The following ARHGEF18 variants were observed in gnomAD, a reference collection of about 807,000 sequenced individuals.
The protein encoded by ARHGEF18 is rho guanine nucleotide exchange factor 18.
A neutral mutation model predicts 155.7 loss-of-function variants in ARHGEF18; 93 were observed. The ratio of observed to expected loss-of-function variants is 0.60; its 90% confidence interval spans 0.50 to 0.71. ARHGEF18 has a LOEUF of 0.71. ARHGEF18 is among the 30% of genes least tolerant of loss of function. The pLI, the probability that ARHGEF18 is intolerant of heterozygous loss-of-function variation, is 0.00. For missense variants in ARHGEF18, 1,593 were observed against 1,816.1 expected (o/e 0.88, Z 2.23); for synonymous variants, 742 against 753.1 (o/e 0.99, Z 0.24).
intron 10 of ARHGEF18, among the ~76,000 whole-genome samples, chr19:7,404,673 A>T (rs964657479): frequency 6.6e-6 from 1 of 151,882 alleles, no homozygotes; most frequent in African/African-American, 2.4e-5. Flanking sequence ...TCTCTATTAA[A>T]AGGCCTTTTA....
At chr19:7,406,081 TTTG>T (rs1015107798) in intron 10 of ARHGEF18, among the ~76,000 whole-genome samples, 26 of 151,894 alleles carry the variant, frequency 1.7e-4, no homozygotes, top group Admixed American at 7.2e-4. Flanking sequence ...CCAGATTCTT[TTTG>T]TTGTTGTTGT....
At chr19:7,446,884 A>T (rs1975026559) in intron 14 of ARHGEF18, among the ~76,000 whole-genome samples, 159 bp from the exon 15 acceptor site, 1 of 149,128 alleles carries the variant, frequency 6.7e-6, no homozygotes, top group Non-Finnish European at 1.5e-5. Context: ...CCACAGAGCA[A>T]GATGCTGTCT....
chr19:7,411,750 A>T (rs1221462179), intron 10 of ARHGEF18, among the ~76,000 whole-genome samples: 1 of 151,856 alleles, frequency 6.6e-6, no homozygotes, highest in African/African-American at 2.4e-5. Flanking sequence ...GTCCTCATAA[A>T]ACACTCACTC....
rs190861705 is a variant in ARHGEF18 at position 7,439,022 on chromosome 19, C to T, written c.968-1322C>T. Reference sequence around the variant, plus strand: ...GAGTAGCTGAGATTACAGGCATCCACCACCACGCCCTTCTAATTTTTGTAT... The same window carrying T: ...GAGTAGCTGAGATTACAGGCATCCATCACCACGCCCTTCTAATTTTTGTAT... On this transcript the variant is annotated intron_variant, in intron 10 of 28. Transcript: ENST00000668164. 5.7e-3 allele frequency among the ~76,000 whole-genome samples: 863 copies of T among 152,180 alleles called. 6 individuals are homozygous for T. The highest frequency in any genetic ancestry group is 9.2e-3 in the Non-Finnish European group (626 of 68,020).
chr19:7,421,881 G>A (rs1439452639), intron 10 of ARHGEF18, among the ~76,000 whole-genome samples: 3 of 152,132 alleles, frequency 2.0e-5, no homozygotes, highest in Non-Finnish European at 4.4e-5. Context: ...GACCATGTCT[G>A]CTGGGAGAGC....
intron 10 of ARHGEF18, among the ~76,000 whole-genome samples, chr19:7,432,886 A>G (rs1974042038): frequency 6.6e-6 from 1 of 152,262 alleles, no homozygotes; most frequent in Admixed American, 6.5e-5. Flanking sequence ...AGGTCCGGGT[A>G]CACTGGCCCA....
intron 23 of ARHGEF18, among the ~76,000 whole-genome samples, chr19:7,465,496 C>A (rs899880629): frequency 6.7e-6 from 1 of 150,148 alleles, no homozygotes; most frequent in Non-Finnish European, 1.5e-5. Context: ...CAGCCTCTAA[C>A]TCCTAGGCTC....
chr19:7,419,868 G>A (rs1229358332), intron 10 of ARHGEF18, among the ~76,000 whole-genome samples: 1 of 150,232 alleles, frequency 6.7e-6, no homozygotes, highest in African/African-American at 2.5e-5. Context: ...GCTGCCTGGA[G>A]TGGAAGCACC....
chr19:7,469,113 C>T lies in ARHGEF18; in HGVS notation c.3769C>T (p.Gln1257Ter). Residue 1257 changes from glutamine to a stop codon, truncating the protein, a stop_gained, in exon 27 of 29, where the codon CAG (glutamine) becomes TAG (stop). Coordinates refer to ENST00000668164, the MANE Select transcript of ARHGEF18 (RefSeq NM_001367823.1). LOFTEE classifies it high-confidence loss of function. ...KDKGGKSRGS[Q>*]RWESSASFDL... ...CAAGGGCGGCAAGAGCAGGGGCTCT[C>T]AGCGCTGGGAGAGCTCAGGTGAGCC... The T allele has an allele frequency of 1.2e-6, 2 of 1,603,564 alleles. No individual in the cohort carries two copies. Among genetic ancestry groups the T allele is most frequent in the Non-Finnish European group, 1.7e-6 (2 of 1,176,434 alleles).
chr19:7,469,813 G>A, intron 27 of ARHGEF18, 91 bp from the exon 28 acceptor site: 6 of 1,488,350 alleles, frequency 4.0e-6, no homozygotes, highest in African/African-American at 1.4e-5. Context: ...TCAGGTGGGG[G>A]TGGCCAGGCC....
chr19:7,375,424 A>G (rs9749418), intron 3 of ARHGEF18, among the ~76,000 whole-genome samples: 35,078 of 150,696 alleles, frequency 0.23, 4,397 homozygotes, highest in Non-Finnish European at 0.27. Context: ...AGGAAGGAAG[A>G]AAGGAAGGAA....
intron 10 of ARHGEF18, among the ~76,000 whole-genome samples, chr19:7,418,172 G>T (rs1240871338): frequency 6.6e-6 from 1 of 152,208 alleles, no homozygotes; most frequent in Admixed American, 6.5e-5. Flanking sequence ...TATTTGCTTT[G>T]TGTCAGACAG....
chr19:7,458,349 C>T (rs1975983268), intron 18 of ARHGEF18, among the ~76,000 whole-genome samples, 163 bp from the exon 19 acceptor site: 2 of 139,348 alleles, frequency 1.4e-5, no homozygotes, highest in South Asian at 4.9e-4. Flanking sequence ...GCAATAGTAT[C>T]TTTTTTCCCC....
At chr19:7,473,117 C>A (rs189796731), downstream of ARHGEF18, 3 of 456,304 alleles carry the variant, frequency 6.6e-6, no homozygotes, top group East Asian at 2.1e-4. Context: ...ACTTTCACTT[C>A]CTCCATCTGG....
intron 10 of ARHGEF18, among the ~76,000 whole-genome samples, chr19:7,435,509 G>A (rs35807820): frequency 0.4 from 61,141 of 151,798 alleles, 12,952 homozygotes; most frequent in East Asian, 0.6. Flanking sequence ...GGCAGGGTGA[G>A]CAGGTTCAGG....
In ARHGEF18 at chr19:7,413,277, A is replaced by C. The variant is rs75074163; in HGVS notation, c.968-27067A>C. ...CAAGACCCTGTCTCTACCAAAAAAA[A>C]CACAAAAAACAAAAAGCTTTTTTTT... On this transcript the variant is annotated intron_variant, in intron 10 of 28. Coordinates refer to ENST00000668164, the MANE Select transcript of ARHGEF18 (RefSeq NM_001367823.1). Among the ~76,000 whole-genome samples, 1,103 of 150,642 alleles carry C rather than the reference A, an allele frequency of 7.3e-3. 5 individuals are homozygous for C. Among genetic ancestry groups the C allele is most frequent in the Non-Finnish European group, 0.012 (837 of 67,828 alleles).
downstream of ARHGEF18, among the ~76,000 whole-genome samples, chr19:7,475,136 G>A (rs562443443): frequency 3.3e-5 from 5 of 152,178 alleles, no homozygotes; most frequent in Non-Finnish European, 5.9e-5. Context: ...GGGAGGCTGA[G>A]GCAGAGAATT....
At chr19:7,414,331 A>G (rs918770474) in intron 10 of ARHGEF18, among the ~76,000 whole-genome samples, 1 of 152,224 alleles carries the variant, frequency 6.6e-6, no homozygotes, top group Non-Finnish European at 1.5e-5. Context: ...ACAGCTTGTG[A>G]GGAAACAACT....
chr19:7,434,189 A>G (rs972053988), intron 10 of ARHGEF18, among the ~76,000 whole-genome samples: 1 of 151,970 alleles, frequency 6.6e-6, no homozygotes, highest in Non-Finnish European at 1.5e-5. Context: ...GACAGGGTCT[A>G]TGTTGCCCAG....
Sources: allele counts gnomAD v4.1 joint callset (sites outside exome capture counted in the v4.1 genomes callset), GRCh38; gene constraint gnomAD v4.1.1; transcripts MANE v1.5; gene names NCBI Gene and HGNC (gene_info 2026-07-23, HGNC 2026-07-21).